Variants in CDKAL1 observed in about 807,000 individuals in gnomAD.
CDKAL1 encodes the protein CDKAL1 threonylcarbamoyladenosine tRNA methylthiotransferase, also known as threonylcarbamoyladenosine tRNA methylthiotransferase.
A neutral mutation model predicts 68.2 loss-of-function variants in CDKAL1; 32 were observed. The ratio of observed to expected loss-of-function variants is 0.47; its 90% CI spans 0.35 to 0.63. The LOEUF (loss-of-function observed/expected upper bound fraction) is 0.63. Among genes scored for constraint, CDKAL1 ranks in the 30% least tolerant of loss-of-function variants. The probability of loss-of-function intolerance (pLI) is 0.00; values close to 1 mark genes in which losing one functional copy is unlikely to be tolerated. For missense variants in CDKAL1, 606 were observed against 696.7 expected, an observed-to-expected ratio of 0.87 and a Z score of 1.47; for synonymous variants, 234 against 244.3, an observed-to-expected ratio of 0.96 and a Z score of 0.39.
intron 11 of CDKAL1, among the ~76,000 whole-genome samples, chr6:21,052,906 CT>C (rs1291481651): frequency 2.6e-5 from 4 of 152,120 alleles, no homozygotes; most frequent in Non-Finnish European, 4.4e-5. Flanking sequence ...CTCAATAAGA[CT>C]TCTTAGAAGA....
At chr6:21,038,733 G>A (rs1769738837) in intron 11 of CDKAL1, among the ~76,000 whole-genome samples, 1 of 152,010 alleles carries the variant, frequency 6.6e-6, no homozygotes, top group Non-Finnish European at 1.5e-5. Context: ...TTTATGTATG[G>A]CCCAAGACAA....
At chr6:20,976,809 C>T (rs978089284) in intron 10 of CDKAL1, among the ~76,000 whole-genome samples, 7 of 152,130 alleles carry the variant, frequency 4.6e-5, no homozygotes, top group African/African-American at 1.7e-4. Flanking sequence ...TGTCCATGAG[C>T]GTCACGATGT....
chr6:20,557,712 A>C (rs1764113170), intron 4 of CDKAL1, among the ~76,000 whole-genome samples: 3 of 152,198 alleles, frequency 2.0e-5, no homozygotes. Context: ...GGATCGCCTG[A>C]GGTCAGGAGT....
At chr6:20,797,071 A>G (rs761572956) in intron 8 of CDKAL1, among the ~76,000 whole-genome samples, 4 of 152,220 alleles carry the variant, frequency 2.6e-5, no homozygotes, top group African/African-American at 9.6e-5. Flanking sequence ...GAATGAAACT[A>G]TTAAGATAAT....
chr6:20,645,448 A>G (rs1768396873), intron 4 of CDKAL1, among the ~76,000 whole-genome samples: 1 of 152,028 alleles, frequency 6.6e-6, no homozygotes, highest in African/African-American at 2.4e-5. Context: ...TTATTTACTT[A>G]TGGCCAGGCG....
intron 5 of CDKAL1, chr6:20,722,639 A>G (rs1772436060): frequency 1.1e-5 from 2 of 176,722 alleles, no homozygotes; most frequent in Admixed American, 1.2e-4. Context: ...CTCACCATCA[A>G]AAACAAAACC....
At chr6:20,895,831 T>G (rs1247358046) in intron 9 of CDKAL1, among the ~76,000 whole-genome samples, 5 of 152,192 alleles carry the variant, frequency 3.3e-5, no homozygotes, top group Non-Finnish European at 7.3e-5. Context: ...TATGGCAATA[T>G]GCATATTTCA....
At chr6:20,818,582 G>A (rs1376015699) in intron 8 of CDKAL1, among the ~76,000 whole-genome samples, 1 of 151,826 alleles carries the variant, frequency 6.6e-6, no homozygotes, top group African/African-American at 2.4e-5. Context: ...AATGAAGTGT[G>A]GTTATATAGT....
At chr6:20,799,234 T>C (rs1317284920) in intron 8 of CDKAL1, among the ~76,000 whole-genome samples, 1 of 151,966 alleles carries the variant, frequency 6.6e-6, no homozygotes, top group South Asian at 2.1e-4. Flanking sequence ...GTATTTTTAG[T>C]AGAGACGGGG....
intron 8 of CDKAL1, among the ~76,000 whole-genome samples, chr6:20,840,346 C>A (rs1778125383): frequency 6.6e-6 from 1 of 152,116 alleles, no homozygotes; most frequent in Non-Finnish European, 1.5e-5. Flanking sequence ...AAGTATAATT[C>A]TTTCAAGTAA....
chr6:20,884,940 A>G (rs1760998773), intron 9 of CDKAL1, among the ~76,000 whole-genome samples: 1 of 152,186 alleles, frequency 6.6e-6, no homozygotes, highest in South Asian at 2.1e-4. Flanking sequence ...CACCCTGAGC[A>G]ACATAGCAAG....
chr6:21,119,910 T>C (rs1413412702), intron 13 of CDKAL1, among the ~76,000 whole-genome samples: 3 of 152,262 alleles, frequency 2.0e-5, no homozygotes, highest in East Asian at 1.9e-4. Context: ...TTAGAGCTCA[T>C]GGAGTCCCAC....
intron 9 of CDKAL1, among the ~76,000 whole-genome samples, chr6:20,932,701 G>A (rs192891243): frequency 2.6e-5 from 4 of 152,132 alleles, no homozygotes; most frequent in East Asian, 1.9e-4. Flanking sequence ...AAAACTTTCC[G>A]TTTTTAGAGA....
At chr6:20,664,329 A>T (rs1769428109) in intron 5 of CDKAL1, among the ~76,000 whole-genome samples, 1 of 152,184 alleles carries the variant, frequency 6.6e-6, no homozygotes, top group African/African-American at 2.4e-5. Flanking sequence ...ATTAAAATGG[A>T]TGTCAAGGAT....
chr6:20,580,474 C>T (rs768392044), intron 4 of CDKAL1, among the ~76,000 whole-genome samples: 1 of 152,000 alleles, frequency 6.6e-6, no homozygotes, highest in Non-Finnish European at 1.5e-5. Context: ...ACTGTGCTGT[C>T]GGTGCACTAT....
At chr6:20,913,345 G>A (rs1489104291) in intron 9 of CDKAL1, among the ~76,000 whole-genome samples, 2 of 152,172 alleles carry the variant, frequency 1.3e-5, no homozygotes, top group African/African-American at 4.8e-5. Context: ...GTAGGATTCA[G>A]CTCCTTGTGA....
Position 20,899,171 on chromosome 6 carries a change from T to C in CDKAL1, c.742+52993T>C, listed in dbSNP as rs555520896. Among the ~76,000 whole-genome samples the C allele has an allele frequency of 1.0e-4, 15 of 150,670 alleles. No individual in the cohort carries two copies. In the East Asian group the frequency reaches 2.2e-3, roughly 22 times the overall value. On this transcript the variant is annotated intron_variant, in intron 9 of 15. Transcript: ENST00000274695. ...GCTCTGCCTTCTGGGTTCAAGTGAG[T>C]CTCCTGCCTCAGCCTCCCCAGTAGC...
rs968913021 is a variant in CDKAL1, at chr6:21,099,229, G to C, written c.1237-9172G>C. 3.3e-5 allele frequency among the ~76,000 whole-genome samples: 5 copies of C among 152,258 alleles called. No homozygotes were observed. In the East Asian group the frequency reaches 9.6e-4, roughly 29 times the overall value. ...AGCAAGGGTTAGTAAACTCTAAAAA[G>C]GGGCCACATAGTAAATATTTTCAGC... is the stretch of plus-strand genomic sequence containing the variant. On this transcript the variant is annotated intron_variant, in intron 12 of 15. Coordinates refer to ENST00000274695, the MANE Select transcript of CDKAL1 (RefSeq NM_017774.3).
At chr6:20,549,904 G>C (rs1222601695) in intron 4 of CDKAL1, among the ~76,000 whole-genome samples, 2 of 152,022 alleles carry the variant, frequency 1.3e-5, no homozygotes, top group Non-Finnish European at 2.9e-5. Flanking sequence ...ACTGCGCCCA[G>C]CCTCCTCTTT....
Sources: allele counts gnomAD v4.1 joint callset (sites outside exome capture counted in the v4.1 genomes callset), GRCh38; gene constraint gnomAD v4.1.1; transcripts MANE v1.5; gene names NCBI Gene and HGNC (gene_info 2026-07-23, HGNC 2026-07-21).